MALAT1: variants seen among roughly 807,000 people sequenced by gnomAD.
MALAT1 encodes hepcarcin.
At chr11:65,505,235 GCCTT>G in intron 3 of MALAT1, 1 of 518,432 alleles carries the variant, frequency 1.9e-6, no homozygotes, top group Non-Finnish European at 3.9e-6. Context: ...CAACCATGGA[GCCTT>G]CCTGTGGCAG....
intron 3 of MALAT1, chr11:65,504,945 C>T (rs746731445): frequency 1.9e-6 from 1 of 518,706 alleles, no homozygotes; most frequent in Non-Finnish European, 3.8e-6. Flanking sequence ...ACCACTAGTT[C>T]TTTCAGATGG....
exon 3 of MALAT1, chr11:65,501,206 CG>C (rs567610173): frequency 1.6e-5 from 7 of 427,554 alleles, no homozygotes; most frequent in African/African-American, 3.0e-5. Flanking sequence ...GTAACTGAGG[CG>C]GGGGGGAGTT....
downstream of MALAT1, chr11:65,506,463 C>T (rs749024496): frequency 9.6e-6 from 3 of 311,192 alleles, no homozygotes; most frequent in South Asian, 8.2e-5. Flanking sequence ...AATGGAGAAG[C>T]TCTAAATTGT....
intron 3 of MALAT1, chr11:65,504,468 T>C (rs780205699): frequency 1.9e-6 from 1 of 518,858 alleles, no homozygotes; most frequent in Non-Finnish European, 3.8e-6. Flanking sequence ...CCCCAATGCT[T>C]GGAGTAGTGA....
chr11:65,501,884 C>T (rs200853587), exon 3 of MALAT1: 2 of 516,968 alleles, frequency 3.9e-6, no homozygotes, highest in South Asian at 1.4e-5. Flanking sequence ...TGGCCTGTTA[C>T]GGTTGGGATT....
chr11:65,505,547 C>T (rs1194263647), intron 3 of MALAT1: 3 of 515,732 alleles, frequency 5.8e-6, no homozygotes, highest in South Asian at 4.2e-5. Flanking sequence ...CCACAAGCAA[C>T]TTCTCTGCCA....
At chr11:65,502,135 A>G (rs374837647) in exon 3 of MALAT1, 10 of 516,760 alleles carry the variant, frequency 1.9e-5, no homozygotes, top group African/African-American at 1.9e-4. Flanking sequence ...TTGATACTGT[A>G]TCTGTTTTCC....
intron 3 of MALAT1, chr11:65,504,162 G>A (rs1478839601): frequency 3.9e-6 from 2 of 516,954 alleles, no homozygotes; most frequent in South Asian, 2.8e-5. Context: ...AAGCCATTCA[G>A]GATTTTGAAT....
At chr11:65,503,379 T>C in exon 3 of MALAT1, 1 of 518,912 alleles carries the variant, frequency 1.9e-6, no homozygotes, top group South Asian at 1.4e-5. Flanking sequence ...GCTTCAGTGA[T>C]GGGATAGTAC....
chr11:65,502,095 C>T (rs761202345), exon 3 of MALAT1: 3 of 516,206 alleles, frequency 5.8e-6, no homozygotes, highest in South Asian at 2.8e-5. Context: ...TGTACCAGTG[C>T]ATTAATTTGG....
Position 65,504,749 on chromosome 11 carries a change from A to G in MALAT1, n.5168+844A>G, listed in dbSNP as rs377631529. 2.4e-3 allele frequency: 1,265 copies of G among 519,024 alleles called. 23 individuals are homozygous for G. Among genetic ancestry groups the G allele is most frequent in the South Asian group, 0.016 (1,154 of 71,592 alleles). The allele number at this position is 519,024 out of a possible 1,614,324, so 32.2% of individuals were successfully genotyped here. On this transcript the variant is annotated intron_variant and non_coding_transcript_variant, in intron 3 of 3. Transcript: ENST00000619449. ...GCAAGTGGAAATGTTTAAACAGTTCAGTGATCTTTAGTGCATTGTTTATGT... is the reference window on the plus strand; with the variant it reads ...GCAAGTGGAAATGTTTAAACAGTTCGGTGATCTTTAGTGCATTGTTTATGT...
chr11:65,499,827 G>A (rs868482468), exon 3 of MALAT1: 5 of 421,776 alleles, frequency 1.2e-5, no homozygotes, highest in Middle Eastern at 3.4e-4. Flanking sequence ...AGGGCAAAAT[G>A]TACAAACTTA....
intron 3 of MALAT1, chr11:65,505,858 A>G (rs184908198): frequency 1.0e-4 from 47 of 465,554 alleles, no homozygotes; most frequent in African/African-American, 8.3e-4. Flanking sequence ...CTGGGTGGGA[A>G]CATGTAACTT....
intron 2 of MALAT1, chr11:65,498,869 A>T (rs1230174194): frequency 1.9e-6 from 1 of 518,518 alleles, no homozygotes; most frequent in Non-Finnish European, 3.9e-6. Context: ...CTGCATGTGT[A>T]GTTTGCATTC....
At chr11:65,501,117 G>A in exon 3 of MALAT1, 1 of 515,306 alleles carries the variant, frequency 1.9e-6, no homozygotes, top group South Asian at 1.4e-5. Context: ...GGGTAATGAA[G>A]TATTTCAGTT....
chr11:65,502,023 T>A (rs780955925), exon 3 of MALAT1: 3 of 517,020 alleles, frequency 5.8e-6, no homozygotes. Flanking sequence ...TCCCAATGAT[T>A]TAGTTTTTTT....
At chr11:65,499,314 G>A (rs1363094948) in exon 3 of MALAT1, 2 of 509,264 alleles carry the variant, frequency 3.9e-6, no homozygotes, top group Non-Finnish European at 7.8e-6. Context: ...AGGTTGAGAT[G>A]AAGCTTCTTC....
chr11:65,498,631 G>T (rs570507089), intron 1 of MALAT1: 1 of 518,626 alleles, frequency 1.9e-6, no homozygotes, highest in Non-Finnish European at 3.9e-6. Flanking sequence ...GCTCAGTTGC[G>T]TAATGGAAAG....
exon 3 of MALAT1, chr11:65,499,630 AAC>A: frequency 2.2e-6 from 1 of 444,566 alleles, no homozygotes; most frequent in Non-Finnish European, 4.5e-6. Context: ...GGTAGGATGA[AAC>A]AATTTGGAGA....
Sources: gnomAD v4.1 joint callset for allele counts on GRCh38, gnomAD v4.1.1 for gene constraint, MANE v1.5 for transcripts, NCBI Gene and HGNC (gene_info 2026-07-23, HGNC 2026-07-21) for gene names.